XRRA1: variants seen among roughly 807,000 people sequenced by gnomAD.
XRRA1 encodes X-ray radiation resistance-associated protein 1.
A neutral mutation model predicts 80.2 loss-of-function variants in XRRA1; 69 were observed. That is an observed-to-expected ratio of 0.86 (90% CI 0.71 to 1.05). The LOEUF (loss-of-function observed/expected upper bound fraction) is 1.05, where lower values mean the gene tolerates loss of function less well. Among genes scored for constraint, XRRA1 ranks in the 50% least tolerant of loss-of-function variants. The probability of loss-of-function intolerance (pLI) is 0.00; values close to 1 mark genes in which losing one functional copy is unlikely to be tolerated. For missense variants in XRRA1, 967 were observed against 976.4 expected, an observed-to-expected ratio of 0.99 and a Z score of 0.13; for synonymous variants, 348 against 389.9, an observed-to-expected ratio of 0.89 and a Z score of 1.27.
Position 74,843,727 on chromosome 11 carries a change from A to G in XRRA1, c.2149+127T>C, listed in dbSNP as rs568048162. ...GCTGGCTCTCCTTTTGTCCATCTAC[A>G]TGTAGAGACTGATGTAGGCAGTTGC... On this transcript the variant is annotated intron_variant, in intron 18 of 18. Transcript: ENST00000684022. 1.3e-3 allele frequency: 1,145 copies of G among 895,584 alleles called. 2 individuals carry two copies. The highest frequency in any genetic ancestry group is 1.6e-3 in the Non-Finnish European group (939 of 575,916). 55.5% of individuals were successfully genotyped at this position (895,584 alleles called of 1,614,324 possible).
intron 10 of XRRA1, among the ~76,000 whole-genome samples, chr11:74,881,797 G>T (rs1236138466): frequency 4.0e-5 from 6 of 149,438 alleles, no homozygotes; most frequent in African/African-American, 1.5e-4. Context: ...GAAATTCTGG[G>T]TTGAAAATTC....
chr11:74,874,878 G>A (rs1039142464), intron 10 of XRRA1, among the ~76,000 whole-genome samples: 1 of 152,156 alleles, frequency 6.6e-6, no homozygotes, highest in Admixed American at 6.5e-5. Flanking sequence ...TTCCTTTGTG[G>A]AACAAGGAGT....
intron 10 of XRRA1, among the ~76,000 whole-genome samples, chr11:74,883,241 A>G (rs1225629835): frequency 6.6e-6 from 1 of 152,236 alleles, no homozygotes; most frequent in African/African-American, 2.4e-5. Context: ...CCGTTGGAAA[A>G]GCGCAGTATT....
intron 10 of XRRA1, among the ~76,000 whole-genome samples, chr11:74,880,091 G>T (rs931820453): frequency 1.3e-5 from 2 of 151,926 alleles, no homozygotes; most frequent in Non-Finnish European, 2.9e-5. Context: ...AATCCATCTG[G>T]TCCTGGACTC....
intron 10 of XRRA1, among the ~76,000 whole-genome samples, chr11:74,874,985 T>TA (rs1472402288): frequency 1.3e-5 from 2 of 152,212 alleles, no homozygotes; most frequent in African/African-American, 4.8e-5. Flanking sequence ...TGATAGCTCT[T>TA]ACAAGAACAC....
In XRRA1 at chr11:74,870,520, C is replaced by T. The variant is rs528477519; in HGVS notation, c.1004-7499G>A. On this transcript the variant is annotated intron_variant, in intron 10 of 18. Coordinates refer to ENST00000684022, the MANE Select transcript of XRRA1 (RefSeq NM_001378157.1). ...TCAGGGAAATAATCCTGTTAGATAG[C>T]ATCAGCAAATGCCATAGTAACCAGG... Among the ~76,000 whole-genome samples the T allele has an allele frequency of 2.6e-5, 4 of 152,306 alleles. No individual in the cohort carries two copies. In the South Asian group the frequency reaches 6.2e-4, roughly 24 times the overall value.
intron 10 of XRRA1, chr11:74,876,784 G>C (rs2136425394): frequency 6.6e-6 from 1 of 152,288 alleles, no homozygotes; most frequent in East Asian, 1.9e-4. Flanking sequence ...TAAAAGATAA[G>C]TAAATGAGTA....
intron 12 of XRRA1, 118 bp from the exon 13 acceptor site, chr11:74,852,200 A>G (rs1190224116): frequency 1.3e-6 from 1 of 796,048 alleles, no homozygotes; most frequent in Non-Finnish European, 2.1e-6. Flanking sequence ...GGTATTGGGT[A>G]AGACATGCTG....
chr11:74,930,282 A>G lies in XRRA1; in HGVS notation c.424+18T>C. 2 of 1,550,772 alleles carry G rather than the reference A, an allele frequency of 1.3e-6. No homozygotes were observed. The highest frequency in any genetic ancestry group is 1.7e-6 in the Non-Finnish European group (2 of 1,143,678). ...GGCTAAGAGGAGGAAGAGAGCTTTC[A>G]AGAAAGAAAAAGCTTACCTAGAGGC... On this transcript the variant is annotated intron_variant, in intron 6 of 18. Transcript: ENST00000684022.
At chr11:74,895,886 C>G (rs1474314560) in intron 10 of XRRA1, among the ~76,000 whole-genome samples, 1 of 152,172 alleles carries the variant, frequency 6.6e-6, no homozygotes, top group East Asian at 1.9e-4. Context: ...CTTGATAACC[C>G]TAGCTCCCTG....
chr11:74,904,219 C>G (rs997175076), intron 10 of XRRA1, among the ~76,000 whole-genome samples: 3 of 152,124 alleles, frequency 2.0e-5, no homozygotes, highest in Admixed American at 2.0e-4. Context: ...TAGATAGATG[C>G]ATATTAAAAT....
intron 1 of XRRA1, among the ~76,000 whole-genome samples, chr11:74,946,521 T>G (rs1947561472): frequency 6.6e-6 from 1 of 152,186 alleles, no homozygotes; most frequent in African/African-American, 2.4e-5. Context: ...CCGCCATGAT[T>G]GTAAATTTCC....
At chr11:74,875,606 C>T (rs915162203) in intron 10 of XRRA1, among the ~76,000 whole-genome samples, 5 of 152,140 alleles carry the variant, frequency 3.3e-5, no homozygotes, top group South Asian at 2.1e-4. Context: ...TGGCTGGGCA[C>T]GGTGGCTCAC....
intron 10 of XRRA1, among the ~76,000 whole-genome samples, chr11:74,903,226 T>G (rs1339239353): frequency 6.6e-6 from 1 of 152,194 alleles, no homozygotes; most frequent in Admixed American, 6.5e-5. Context: ...CAATCCCACT[T>G]CTGGGTAAAT....
chr11:74,845,134 C>T lies in XRRA1; in HGVS notation c.1866G>A (p.Lys622=). ...TCAGCAGTTCTTCATAGCCGTGGTA[C>T]TTGCTGGGAAGGAAGGCAGTTGGGA... ...RKLPTAFLPS[K]YHGYEELLTA... The change falls in exon 16 of 19, where the codon AAG becomes AAA. Residue 622 remains lysine, a synonymous_variant. Transcript: ENST00000684022. 3 of 1,614,056 alleles carry T rather than the reference C, an allele frequency of 1.9e-6. No homozygotes were observed. The highest frequency in any genetic ancestry group is 2.5e-6 in the Non-Finnish European group (3 of 1,179,908).
chr11:74,877,281 G>T (rs1445712828), intron 10 of XRRA1, among the ~76,000 whole-genome samples: 1 of 152,066 alleles, frequency 6.6e-6, no homozygotes, highest in Non-Finnish European at 1.5e-5. Context: ...GCAAGTCAAG[G>T]GGGAATATAT....
In XRRA1 at chr11:74,844,288, G is replaced by A. The variant is rs769834551; in HGVS notation, c.1928-5C>T. Reference sequence around the variant, plus strand: ...CTTGTGCATTCTTCTGGATTCCTAGGGCAAGAAGGCAAGACTGAGTCAAGG... The same window carrying A: ...CTTGTGCATTCTTCTGGATTCCTAGAGCAAGAAGGCAAGACTGAGTCAAGG... On this transcript the variant is annotated splice_polypyrimidine_tract_variant and splice_region_variant and intron_variant, in intron 16 of 18. Coordinates refer to ENST00000684022, the MANE Select transcript of XRRA1 (RefSeq NM_001378157.1). 6.2e-7 allele frequency: 1 copy of A among 1,608,336 alleles called. No homozygotes were observed.
chr11:74,865,070 A>G (rs556961437), intron 10 of XRRA1, among the ~76,000 whole-genome samples: 1 of 151,540 alleles, frequency 6.6e-6, no homozygotes, highest in African/African-American at 2.4e-5. Flanking sequence ...GAATTATCCT[A>G]TCTGTGCTGA....
chr11:74,915,799 T>A (rs1938456099), intron 8 of XRRA1, among the ~76,000 whole-genome samples: 1 of 152,248 alleles, frequency 6.6e-6, no homozygotes. Flanking sequence ...TCTAGCATCC[T>A]TTCATTTCAA....
Sources: allele counts gnomAD v4.1 joint callset (sites outside exome capture counted in the v4.1 genomes callset), GRCh38; gene constraint gnomAD v4.1.1; transcripts MANE v1.5; gene names NCBI Gene and HGNC (gene_info 2026-07-23, HGNC 2026-07-21).